The following PSMD1 variants were observed in gnomAD, a reference collection of about 807,000 sequenced individuals.
The protein encoded by PSMD1 is proteasome 26S subunit, non-ATPase 1.
PSMD1 carries 18 observed loss-of-function variants against 119.0 expected under a neutral mutation model. That is an observed-to-expected ratio of 0.15 (90% CI 0.10 to 0.22). PSMD1 has a LOEUF of 0.22. Ranked by LOEUF, PSMD1 falls within the 10% of genes least tolerant of loss-of-function variation. The pLI, the probability that PSMD1 is intolerant of heterozygous loss-of-function variation, is 1.00. For synonymous variants in PSMD1, 374 were observed against 396.6 expected (o/e 0.94, Z 0.68); for missense variants, 702 against 1,158.5 (o/e 0.61, Z 5.72).
intron 23 of PSMD1, among the ~76,000 whole-genome samples, chr2:231,168,179 A>C (rs1357845900): frequency 6.6e-6 from 1 of 152,262 alleles, no homozygotes; most frequent in Non-Finnish European, 1.5e-5. Context: ...ACAGACAAGA[A>C]TATGCAGAAA....
chr2:231,084,961 CT>C, intron 14 of PSMD1, 57 bp from the exon 15 acceptor site: 1 of 1,389,756 alleles, frequency 7.2e-7, no homozygotes, highest in Non-Finnish European at 1.0e-6. Context: ...GCCTATTAGA[CT>C]GTAGAAGTTA....
chr2:231,119,259 C>G lies in PSMD1; in HGVS notation c.1884-19477C>G, dbSNP rs181869416. Among the ~76,000 whole-genome samples the G allele has an allele frequency of 4.6e-5, 7 of 152,234 alleles. No individual in the cohort carries two copies. The East Asian group carries it at 1.4e-3, about 29-fold the overall frequency. On this transcript the variant is annotated intron_variant, in intron 16 of 24. Transcript: ENST00000308696. ...ATAAATGAATAACTGCCATTTTTCT[C>G]TTACTGCTATACATTTGTTTCATCT...
intron 17 of PSMD1, among the ~76,000 whole-genome samples, chr2:231,140,940 G>A (rs915605840): frequency 2.0e-5 from 3 of 152,118 alleles, no homozygotes; most frequent in South Asian, 2.1e-4. Context: ...CAACCAAGGC[G>A]GGTGGATCAC....
chr2:231,123,333 A>G, intron 16 of PSMD1: 2 of 1,031,634 alleles, frequency 1.9e-6, no homozygotes, highest in Non-Finnish European at 3.1e-6. Flanking sequence ...CAAGAAAAGT[A>G]AAGATTAAAT....
intron 24 of PSMD1, among the ~76,000 whole-genome samples, chr2:231,171,748 G>A (rs1237231120): frequency 6.6e-6 from 1 of 151,856 alleles, no homozygotes; most frequent in Non-Finnish European, 1.5e-5. Flanking sequence ...TAGTGACAGG[G>A]TTTCTCCATG....
intron 16 of PSMD1, chr2:231,124,063 T>TTC: frequency 3.2e-6 from 1 of 312,972 alleles, no homozygotes; most frequent in Non-Finnish European, 6.1e-6. Context: ...TATTTTTAGT[T>TTC]TCTCTCTCTC....
At chr2:231,145,472 A>G (rs1696231695) in intron 17 of PSMD1, among the ~76,000 whole-genome samples, 1 of 152,202 alleles carries the variant, frequency 6.6e-6, no homozygotes, top group Non-Finnish European at 1.5e-5. Context: ...AATAGACTTT[A>G]TAAACACTGT....
intron 18 of PSMD1, among the ~76,000 whole-genome samples, chr2:231,152,217 T>C (rs1696391885): frequency 6.6e-6 from 1 of 152,216 alleles, no homozygotes; most frequent in Non-Finnish European, 1.5e-5. Context: ...TAAGTGGTTG[T>C]GTGCTGGGTA....
At chr2:231,109,133 G>A in intron 16 of PSMD1, 3 of 1,614,104 alleles carry the variant, frequency 1.9e-6, no homozygotes, top group Non-Finnish European at 2.5e-6. Context: ...CTTTTCCGGT[G>A]ACGAGCAAGG....
intron 16 of PSMD1, chr2:231,108,216 T>C (rs1667971332): frequency 6.9e-6 from 2 of 290,612 alleles, no homozygotes; most frequent in South Asian, 4.3e-5. Flanking sequence ...AAATAAATTT[T>C]ATGATGACAG....
rs1160685943 is a variant in PSMD1 at position 231,056,952 on chromosome 2, C to G, written c.-74C>G. The stretch of plus-strand genomic sequence containing the variant: ...GAGCAAGGAGGCGCGGTGAACTGAG[C>G]GGCCCCTGAGCTGACAGATACACTG... On this transcript the variant is annotated 5_prime_UTR_variant, in exon 1 of 25. Coordinates refer to ENST00000308696, the MANE Select transcript of PSMD1 (RefSeq NM_002807.4). 13 of 1,528,764 alleles carry G rather than the reference C, an allele frequency of 8.5e-6. No individual in the cohort carries two copies. Among genetic ancestry groups the G allele is most frequent in the Middle Eastern group, 1.9e-4 (1 of 5,284 alleles). The allele number at this position is 1,528,764 out of a possible 1,614,324, so 94.7% of individuals were successfully genotyped here.
chr2:231,100,030 G>C (rs1439179867), intron 16 of PSMD1, among the ~76,000 whole-genome samples: 1 of 152,078 alleles, frequency 6.6e-6, no homozygotes, highest in Non-Finnish European at 1.5e-5. Flanking sequence ...GAGAGCTCGG[G>C]TTATTCCTCG....
chr2:231,117,590 A>C (rs1006875912), intron 16 of PSMD1, among the ~76,000 whole-genome samples: 2 of 152,128 alleles, frequency 1.3e-5, no homozygotes, highest in Non-Finnish European at 2.9e-5. Flanking sequence ...CAGTAGCACA[A>C]ATATTTTATT....
intron 16 of PSMD1, chr2:231,108,701 A>G (rs1457622366): frequency 6.2e-7 from 1 of 1,614,128 alleles, no homozygotes; most frequent in African/African-American, 1.3e-5. Flanking sequence ...GTTCTCTGCC[A>G]TTGGATTCCG....
intron 17 of PSMD1, among the ~76,000 whole-genome samples, chr2:231,139,923 T>C (rs1696064934): frequency 6.6e-6 from 1 of 152,164 alleles, no homozygotes. Flanking sequence ...ATAACAAGTA[T>C]TCATAATTCA....
chr2:231,146,706 G>A (rs1446733911), intron 18 of PSMD1, among the ~76,000 whole-genome samples: 1 of 152,184 alleles, frequency 6.6e-6, no homozygotes, highest in African/African-American at 2.4e-5. Context: ...AATATAGGAT[G>A]CAAACTTAGG....
chr2:231,087,027 A>T (rs1029296834), intron 15 of PSMD1, 90 bp from the exon 16 acceptor site: 1 of 978,060 alleles, frequency 1.0e-6, no homozygotes, highest in Non-Finnish European at 1.6e-6. Flanking sequence ...TGAGGTATAC[A>T]CTCACTGTTG....
At chr2:231,120,646 A>G (rs1401954522) in intron 16 of PSMD1, among the ~76,000 whole-genome samples, 1 of 152,258 alleles carries the variant, frequency 6.6e-6, no homozygotes, top group African/African-American at 2.4e-5. Flanking sequence ...TCTCAGTATA[A>G]GGACAGAAGG....
At chr2:231,092,842 T>C (rs1694630878) in intron 16 of PSMD1, among the ~76,000 whole-genome samples, 1 of 152,224 alleles carries the variant, frequency 6.6e-6, no homozygotes, top group African/African-American at 2.4e-5. Flanking sequence ...GGTTTGAGGC[T>C]ATCTGCAACC....
Sources: gnomAD v4.1 joint callset for allele counts (sites outside exome capture counted in the v4.1 genomes callset) on GRCh38, gnomAD v4.1.1 for gene constraint, MANE v1.5 for transcripts, NCBI Gene and HGNC (gene_info 2026-07-23, HGNC 2026-07-21) for gene names.